The following TBC1D22A variants were observed in gnomAD, a reference collection of about 807,000 sequenced individuals.
TBC1D22A encodes putative GTPase activator.
TBC1D22A carries 38 observed loss-of-function variants against 60.2 expected under a neutral mutation model. The ratio of observed to expected loss-of-function variants is 0.63; its 90% CI spans 0.49 to 0.83. TBC1D22A has a LOEUF of 0.83. Among genes scored for constraint, TBC1D22A ranks in the 40% least tolerant of loss-of-function variants. TBC1D22A has a pLI of 0.00. For missense variants in TBC1D22A, 628 were observed against 701.0 expected (o/e 0.90, Z 1.18); for synonymous variants, 302 against 281.7 (o/e 1.07, Z -0.72).
chr22:47,040,162 G>A (rs1173713555), intron 11 of TBC1D22A, among the ~76,000 whole-genome samples: 2 of 151,908 alleles, frequency 1.3e-5, no homozygotes, highest in Non-Finnish European at 2.9e-5. Context: ...AGCCAGGATG[G>A]TCTCGATCTC....
intron 4 of TBC1D22A, among the ~76,000 whole-genome samples, chr22:46,808,093 T>C (rs192817847): frequency 1.3e-5 from 2 of 152,280 alleles, no homozygotes; most frequent in Admixed American, 1.3e-4. Context: ...CACGGTGGCT[T>C]ATGCCTGTAA....
chr22:47,138,649 C>T (rs1441247960), intron 12 of TBC1D22A, among the ~76,000 whole-genome samples: 1 of 152,246 alleles, frequency 6.6e-6, no homozygotes, highest in Non-Finnish European at 1.5e-5. Context: ...TTGCAATTGA[C>T]AAGCATCTTA....
chr22:46,980,179 A>G (rs1029079703), intron 9 of TBC1D22A, among the ~76,000 whole-genome samples: 4 of 152,132 alleles, frequency 2.6e-5, no homozygotes, highest in Non-Finnish European at 5.9e-5. Context: ...GAACTCACAG[A>G]TTTATTTATA....
At chr22:47,165,632 C>T (rs1215710765) in intron 12 of TBC1D22A, among the ~76,000 whole-genome samples, 2 of 152,164 alleles carry the variant, frequency 1.3e-5, no homozygotes, top group Non-Finnish European at 2.9e-5. Context: ...GGTTGCCGGG[C>T]TTGCTGCATG....
At chr22:47,005,989 C>T (rs1051375164) in intron 10 of TBC1D22A, among the ~76,000 whole-genome samples, 8 of 151,936 alleles carry the variant, frequency 5.3e-5, no homozygotes, top group Admixed American at 1.3e-4. Flanking sequence ...CACACAGTCC[C>T]GTATACACAG....
intron 10 of TBC1D22A, among the ~76,000 whole-genome samples, chr22:47,030,704 A>T (rs190230015): frequency 2.8e-4 from 42 of 152,392 alleles, no homozygotes; most frequent in Non-Finnish European, 4.7e-4. Flanking sequence ...GAAATTTCAA[A>T]TTCAGAATTA....
At chr22:47,016,273 C>T (rs1243813928) in intron 10 of TBC1D22A, among the ~76,000 whole-genome samples, 2 of 152,188 alleles carry the variant, frequency 1.3e-5, no homozygotes, top group Non-Finnish European at 2.9e-5. Context: ...ACCTGTCAGG[C>T]AGCCTGGCAG....
At chr22:46,851,676 C>A (rs1297602330) in intron 4 of TBC1D22A, among the ~76,000 whole-genome samples, 1 of 152,232 alleles carries the variant, frequency 6.6e-6, no homozygotes, top group African/African-American at 2.4e-5. Flanking sequence ...ATTAGAATTC[C>A]TCATCTTATC....
intron 12 of TBC1D22A, chr22:47,117,232 T>C (rs950417706): frequency 6.0e-6 from 1 of 166,964 alleles, no homozygotes; most frequent in African/African-American, 2.4e-5. Context: ...GGATGGCGCA[T>C]GGAGGAAGCA....
intron 1 of TBC1D22A, among the ~76,000 whole-genome samples, chr22:46,766,248 C>T (rs534509073): frequency 6.6e-6 from 1 of 152,224 alleles, no homozygotes; most frequent in Non-Finnish European, 1.5e-5. Flanking sequence ...CCTCCTGCCT[C>T]GGTCTCCCAA....
intron 12 of TBC1D22A, among the ~76,000 whole-genome samples, chr22:47,156,528 A>T (rs1160681581): frequency 6.6e-6 from 1 of 152,178 alleles, no homozygotes; most frequent in Non-Finnish European, 1.5e-5. Flanking sequence ...ATCGATGCCT[A>T]GCTTGAGGCT....
chr22:46,815,050 C>G (rs576054915), intron 4 of TBC1D22A, among the ~76,000 whole-genome samples: 1 of 152,312 alleles, frequency 6.6e-6, no homozygotes, highest in East Asian at 1.9e-4. Context: ...AAAATACATT[C>G]ATTTCTTCCA....
intron 12 of TBC1D22A, among the ~76,000 whole-genome samples, chr22:47,173,102 GT>G (rs2068550895): frequency 6.6e-6 from 1 of 152,258 alleles, no homozygotes; most frequent in African/African-American, 2.4e-5. Context: ...CGAGAGCTGG[GT>G]CTCCCCCTGA....
At chr22:46,866,304 A>G (rs2067051392) in intron 4 of TBC1D22A, among the ~76,000 whole-genome samples, 1 of 152,140 alleles carries the variant, frequency 6.6e-6, no homozygotes, top group Non-Finnish European at 1.5e-5. Context: ...GAGTTTCACC[A>G]TGTTGGGTCA....
intron 12 of TBC1D22A, among the ~76,000 whole-genome samples, chr22:47,166,052 T>C (rs572153092): frequency 3.5e-4 from 54 of 152,260 alleles, no homozygotes; most frequent in Non-Finnish European, 6.8e-4. Context: ...TCTTTGCATG[T>C]TGGCAATTTG....
At chr22:47,064,147 G>A (rs1052531999) in intron 11 of TBC1D22A, among the ~76,000 whole-genome samples, 4 of 152,230 alleles carry the variant, frequency 2.6e-5, no homozygotes, top group Non-Finnish European at 4.4e-5. Flanking sequence ...CTGTGGACAG[G>A]CCCTCGTGGA....
intron 9 of TBC1D22A, among the ~76,000 whole-genome samples, chr22:46,994,323 A>G (rs190072676): frequency 3.0e-3 from 464 of 152,296 alleles, no homozygotes; most frequent in Middle Eastern, 0.01. Context: ...CCACCCCATC[A>G]GAGCCAGTGT....
rs2069106531 is a variant in TBC1D22A at position 46,902,888 on chromosome 22, G to A, written c.900+8042G>A. On this transcript the variant is annotated intron_variant, in intron 7 of 12. Coordinates refer to ENST00000337137, the MANE Select transcript of TBC1D22A (RefSeq NM_014346.5). The stretch of plus-strand genomic sequence containing the variant: ...TGAAGACAGATGTGCGTGAAACCCA[G>A]AGAGATCATATACAGTTGTCAATGA... Among the ~76,000 whole-genome samples the A allele has an allele frequency of 2.0e-5, 3 of 150,230 alleles. No homozygotes were observed. The South Asian group carries it at 6.2e-4, about 31-fold the overall frequency.
chr22:47,043,694 C>T (rs934672364), intron 11 of TBC1D22A, among the ~76,000 whole-genome samples: 51 of 152,034 alleles, frequency 3.4e-4, no homozygotes, highest in African/African-American at 1.2e-3. Flanking sequence ...TGGAAGGGTG[C>T]AAAGAGGGTC....
Sources: allele counts gnomAD v4.1 joint callset (sites outside exome capture counted in the v4.1 genomes callset), GRCh38; gene constraint gnomAD v4.1.1; transcripts MANE v1.5; gene names NCBI Gene and HGNC (gene_info 2026-07-23, HGNC 2026-07-21).